LHFPL3: variants seen among roughly 807,000 people sequenced by gnomAD.
LHFPL3 encodes LHFPL tetraspan subfamily member 3 protein.
A neutral mutation model predicts 19.3 loss-of-function variants in LHFPL3; 5 were observed. The ratio of observed to expected loss-of-function variants is 0.26; its 90% CI spans 0.14 to 0.54. The LOEUF is 0.54. LHFPL3 is among the 20% of genes least tolerant of loss of function. The probability of loss-of-function intolerance (pLI) is 0.94; values close to 1 mark genes in which losing one functional copy is unlikely to be tolerated. For missense variants in LHFPL3, 249 were observed against 307.4 expected (o/e 0.81, Z 1.42); for synonymous variants, 133 against 126.2 (o/e 1.05, Z -0.36).
intron 2 of LHFPL3, among the ~76,000 whole-genome samples, chr7:104,829,732 G>C (rs1489297635): frequency 1.3e-5 from 2 of 151,946 alleles, no homozygotes; most frequent in East Asian, 3.8e-4. Flanking sequence ...GTCTATCATG[G>C]TTGGACATTT....
intron 2 of LHFPL3, among the ~76,000 whole-genome samples, chr7:104,779,450 G>A (rs1794684099): frequency 6.6e-6 from 1 of 152,080 alleles, no homozygotes; most frequent in Non-Finnish European, 1.5e-5. Flanking sequence ...TTCCACTTGG[G>A]AATCAAGACA....
intron 1 of LHFPL3, among the ~76,000 whole-genome samples, chr7:104,689,345 C>T (rs1792864906): frequency 1.3e-5 from 2 of 152,166 alleles, no homozygotes; most frequent in Admixed American, 1.3e-4. Context: ...TCCTGTAGAG[C>T]TCAGGCATTG....
At chr7:104,329,842 T>C (rs1801536700) in intron 1 of LHFPL3, among the ~76,000 whole-genome samples, 1 of 152,218 alleles carries the variant, frequency 6.6e-6, no homozygotes, top group Non-Finnish European at 1.5e-5. Flanking sequence ...GCTTAGAACA[T>C]TCTTTCGCAA....
chr7:104,782,619 G>A (rs1789832108), intron 2 of LHFPL3, among the ~76,000 whole-genome samples: 1 of 152,186 alleles, frequency 6.6e-6, no homozygotes, highest in Middle Eastern at 3.2e-3. Flanking sequence ...AGTGAAGCCA[G>A]AACAACCTTT....
chr7:104,714,752 G>T (rs1218474719), intron 1 of LHFPL3, among the ~76,000 whole-genome samples: 3 of 152,202 alleles, frequency 2.0e-5, no homozygotes, highest in Non-Finnish European at 4.4e-5. Context: ...GCTTTGGTTA[G>T]ATCAAGTCTG....
At chr7:104,654,575 A>C (rs775743960) in intron 1 of LHFPL3, among the ~76,000 whole-genome samples, 2 of 152,064 alleles carry the variant, frequency 1.3e-5, no homozygotes, top group Non-Finnish European at 2.9e-5. Context: ...AATTGTACCT[A>C]CCTTGTGGGA....
intron 2 of LHFPL3, among the ~76,000 whole-genome samples, chr7:104,861,802 GAA>G (rs1791623796): frequency 8.3e-6 from 1 of 120,202 alleles, no homozygotes; most frequent in South Asian, 2.4e-4. Context: ...TTCCCTTTTA[GAA>G]GATCTTCCCT....
chr7:104,456,533 C>A (rs1562903076), intron 1 of LHFPL3, among the ~76,000 whole-genome samples: 1 of 152,142 alleles, frequency 6.6e-6, no homozygotes. Context: ...TCTACAGTTA[C>A]ATGGATGGAA....
intron 1 of LHFPL3, among the ~76,000 whole-genome samples, chr7:104,685,013 G>A (rs1185577277): frequency 6.6e-6 from 1 of 152,180 alleles, no homozygotes; most frequent in Non-Finnish European, 1.5e-5. Flanking sequence ...TGCCTTGGTG[G>A]TTACTTTGAG....
intron 1 of LHFPL3, among the ~76,000 whole-genome samples, chr7:104,504,503 G>T (rs1440066130): frequency 1.3e-5 from 2 of 152,146 alleles, no homozygotes; most frequent in African/African-American, 4.8e-5. Flanking sequence ...AAATATCAAT[G>T]TTATTTTGAA....
chr7:104,888,071 G>A lies in LHFPL3; in HGVS notation c.683-18116G>A, dbSNP rs117279806. ...GGCTGATCCTTCACAGAGCCACTGT[G>A]TCTACTCTTTCCAAAATCAAGAACC... On this transcript the variant is annotated intron_variant, in intron 2 of 2. Transcript: ENST00000424859. 9.9e-3 allele frequency among the ~76,000 whole-genome samples: 1,515 copies of A among 152,278 alleles called. 11 individuals are homozygous for A. The highest frequency in any genetic ancestry group is 0.016 in the Non-Finnish European group (1,073 of 68,020).
At chr7:104,611,745 A>G (rs769621739) in intron 1 of LHFPL3, among the ~76,000 whole-genome samples, 105 of 152,246 alleles carry the variant, frequency 6.9e-4, no homozygotes, top group Non-Finnish European at 1.3e-3. Context: ...AAAGGGGGGG[A>G]GGAATTTACA....
chr7:104,880,021 G>A (rs1168254799), intron 2 of LHFPL3, among the ~76,000 whole-genome samples: 1 of 151,790 alleles, frequency 6.6e-6, no homozygotes, highest in East Asian at 1.9e-4. Flanking sequence ...GCAACATAGT[G>A]AGAACTCTGT....
rs557913591 is a variant in LHFPL3, at chr7:104,589,020, A to G, written c.446-147655A>G. Among the ~76,000 whole-genome samples, 421 of 152,286 alleles carry G rather than the reference A, an allele frequency of 2.8e-3. 3 individuals carry two copies. The highest frequency in any genetic ancestry group is 7.0e-3 in the African/African-American group (291 of 41,562). ...CTTAAGAAGATTTTGGGCTGAGATG[A>G]TGGGGTTTTCTAAGTATACAATCAT... is the stretch of plus-strand genomic sequence containing the variant. On this transcript the variant is annotated intron_variant, in intron 1 of 2. Transcript: ENST00000424859.
chr7:104,702,285 A>G (rs1261646645), intron 1 of LHFPL3, among the ~76,000 whole-genome samples: 1 of 152,176 alleles, frequency 6.6e-6, no homozygotes, highest in Admixed American at 6.5e-5. Flanking sequence ...GTGTGCCAGG[A>G]AAAACACATA....
At chr7:104,533,791 G>C (rs1348997290) in intron 1 of LHFPL3, among the ~76,000 whole-genome samples, 1 of 152,058 alleles carries the variant, frequency 6.6e-6, no homozygotes, top group Non-Finnish European at 1.5e-5. Context: ...GTGATCTTTG[G>C]TCTCCCTTTT....
intron 1 of LHFPL3, among the ~76,000 whole-genome samples, chr7:104,601,144 C>G (rs1362051152): frequency 6.6e-6 from 1 of 152,146 alleles, no homozygotes; most frequent in Admixed American, 6.5e-5. Flanking sequence ...AATATCTCTC[C>G]TTATACCACA....
At chr7:104,716,067 G>A (rs1363767224) in intron 1 of LHFPL3, among the ~76,000 whole-genome samples, 1 of 151,944 alleles carries the variant, frequency 6.6e-6, no homozygotes, top group Non-Finnish European at 1.5e-5. Flanking sequence ...TCCAAATCAG[G>A]GCCAGGCACG....
chr7:104,425,607 G>T (rs569931744), intron 1 of LHFPL3, among the ~76,000 whole-genome samples: 85 of 152,288 alleles, frequency 5.6e-4, no homozygotes, highest in Non-Finnish European at 1.1e-3. Context: ...AAGGGAAAAA[G>T]TGTAGCTGAA....
Sources: allele counts gnomAD v4.1 joint callset (sites outside exome capture counted in the v4.1 genomes callset), GRCh38; gene constraint gnomAD v4.1.1; transcripts MANE v1.5; gene names NCBI Gene and HGNC (gene_info 2026-07-23, HGNC 2026-07-21).